NEXMIF: variants seen among roughly 807,000 people sequenced by gnomAD.
NEXMIF encodes neurite extension and migration factor.
In NEXMIF, 8 loss-of-function variants were observed where a neutral mutation model predicts 62.1. The ratio of observed to expected loss-of-function variants is 0.13; its 90% CI spans 0.08 to 0.23. The LOEUF (loss-of-function observed/expected upper bound fraction) is 0.23, where lower values mean the gene tolerates loss of function less well. Ranked by LOEUF, NEXMIF falls within the 10% of genes least tolerant of loss-of-function variation. The pLI is 1.00. For missense variants in NEXMIF, 976 were observed against 1,113.3 expected, an observed-to-expected ratio of 0.88 and a Z score of 1.75; for synonymous variants, 404 against 416.6, an observed-to-expected ratio of 0.97 and a Z score of 0.37.
At chrX:74,823,413 A>G (rs762449432) in intron 1 of NEXMIF, among the ~76,000 whole-genome samples, 1 of 111,673 alleles carries the variant, frequency 9.0e-6, no homozygotes, top group Non-Finnish European at 1.9e-5. Flanking sequence ...AAAAAAGTCA[A>G]TGCCTTAAAA....
In NEXMIF at chrX:74,743,323, G is replaced by T. The variant is rs1240885021; in HGVS notation, c.1234C>A (p.Pro412Thr). The T allele has an allele frequency of 1.7e-6, 2 of 1,211,322 alleles. No individual in the cohort carries two copies. The highest frequency in any genetic ancestry group is 2.2e-5 in the Admixed American group (1 of 45,978). Reference protein sequence around the residue: ...DNGEKPALNKPCSGTEVEQLK... With the variant: ...DNGEKPALNKTCSGTEVEQLK... Reference sequence around the variant, plus strand: ...TGCTCTACTTCAGTCCCACTGCATGGTTTATTTAAGGCAGGCTTTTCTCCA... The same window carrying T: ...TGCTCTACTTCAGTCCCACTGCATGTTTTATTTAAGGCAGGCTTTTCTCCA... The change falls in exon 3 of 4, where the codon CCA becomes ACA. Residue 412 changes from proline to threonine, a missense_variant. This residue lies in a region of NEXMIF where 639 missense variants were observed against 694.5 expected (regional missense o/e 0.92). Transcript: ENST00000055682.
At chrX:74,881,547 T>C (rs1204256685) in intron 1 of NEXMIF, among the ~76,000 whole-genome samples, 2 of 83,706 alleles carry the variant, frequency 2.4e-5, no homozygotes, top group Admixed American at 1.5e-4. Flanking sequence ...AGGTACTTCT[T>C]TTTGTATGTG....
At chrX:74,912,001 C>T (rs1242645694) in intron 1 of NEXMIF, among the ~76,000 whole-genome samples, 1 of 111,884 alleles carries the variant, frequency 8.9e-6, no homozygotes, top group Non-Finnish European at 1.9e-5. Context: ...TAACGAACTG[C>T]CCCAAGGGGA....
At chrX:74,849,420 G>T (rs1035151370) in intron 1 of NEXMIF, among the ~76,000 whole-genome samples, 2 of 112,260 alleles carry the variant, frequency 1.8e-5, no homozygotes, top group African/African-American at 3.2e-5. Flanking sequence ...CCTTCAAAGA[G>T]CCCATCCACC....
intron 1 of NEXMIF, among the ~76,000 whole-genome samples, chrX:74,799,513 A>T (rs2080322565): frequency 8.9e-6 from 1 of 112,574 alleles, no homozygotes; most frequent in Non-Finnish European, 1.9e-5. Flanking sequence ...CACGCTATTT[A>T]CCACACTGGT....
At chrX:74,841,459 T>A (rs1015693422) in intron 1 of NEXMIF, among the ~76,000 whole-genome samples, 1 of 111,914 alleles carries the variant, frequency 8.9e-6, no homozygotes, top group African/African-American at 3.3e-5. Flanking sequence ...TCTATGTGGA[T>A]GCCTTTTATT....
At chrX:74,801,354 T>C (rs1157581207) in intron 1 of NEXMIF, among the ~76,000 whole-genome samples, 2 of 111,743 alleles carry the variant, frequency 1.8e-5, no homozygotes, top group African/African-American at 3.3e-5. Flanking sequence ...TACTGGATCA[T>C]ATGGTAAGAA....
intron 1 of NEXMIF, among the ~76,000 whole-genome samples, chrX:74,864,347 G>A (rs1307555189): frequency 7.1e-5 from 8 of 112,129 alleles, no homozygotes; most frequent in South Asian, 3.8e-4. Context: ...CAGCCCCAAA[G>A]CTTCTTAAGC....
chrX:74,861,579 T>C (rs1298506109), intron 1 of NEXMIF, among the ~76,000 whole-genome samples: 1 of 111,122 alleles, frequency 9.0e-6, no homozygotes, highest in African/African-American at 3.3e-5. Flanking sequence ...AAACAAATGT[T>C]AAGGGCAGTC....
chrX:74,888,221 A>G (rs1315846081), intron 1 of NEXMIF, among the ~76,000 whole-genome samples: 1 of 109,056 alleles, frequency 9.2e-6, no homozygotes, highest in African/African-American at 3.4e-5. Flanking sequence ...GCACACAAAC[A>G]TGGCACATGT....
chrX:74,814,723 G>T (rs774084617), intron 1 of NEXMIF, among the ~76,000 whole-genome samples: 1 of 112,521 alleles, frequency 8.9e-6, no homozygotes, highest in Admixed American at 9.4e-5. Flanking sequence ...AACAATGTGA[G>T]ACTTAATATA....
At chrX:74,905,144 A>G (rs1420078165) in intron 1 of NEXMIF, among the ~76,000 whole-genome samples, 1 of 112,192 alleles carries the variant, frequency 8.9e-6, no homozygotes, top group African/African-American at 3.2e-5. Context: ...TGTAAAAAAG[A>G]GAATAGAATA....
intron 1 of NEXMIF, among the ~76,000 whole-genome samples, chrX:74,785,638 G>A (rs2080258334): frequency 1.8e-5 from 2 of 112,410 alleles, no homozygotes; most frequent in African/African-American, 6.5e-5. Context: ...TATTATGCAT[G>A]CCTTCCCCCA....
At chrX:74,875,119 T>A (rs1434489207) in intron 1 of NEXMIF, among the ~76,000 whole-genome samples, 1 of 111,663 alleles carries the variant, frequency 9.0e-6, no homozygotes, top group Non-Finnish European at 1.9e-5. Context: ...AGTATGATAT[T>A]GGCTGTGAGT....
intron 1 of NEXMIF, among the ~76,000 whole-genome samples, chrX:74,879,833 T>TA (rs1602262982): frequency 1.8e-5 from 2 of 112,253 alleles, no homozygotes; most frequent in Admixed American, 9.5e-5. Context: ...GAACCTCAGT[T>TA]AAAAAAATCA....
At chrX:74,884,319 C>A (rs1227930604) in intron 1 of NEXMIF, among the ~76,000 whole-genome samples, 1 of 111,785 alleles carries the variant, frequency 8.9e-6, no homozygotes, top group Non-Finnish European at 1.9e-5. Flanking sequence ...TGTAAATGGG[C>A]TAAATGCTCC....
intron 1 of NEXMIF, among the ~76,000 whole-genome samples, chrX:74,843,921 G>T (rs1461842982): frequency 8.9e-6 from 1 of 112,008 alleles, no homozygotes; most frequent in African/African-American, 3.2e-5. Flanking sequence ...GCCAGTAGCA[G>T]CCTTTCCTTT....
rs1486791727 is a variant in NEXMIF at position 74,734,609 on chromosome X, G to A, written c.*4796C>T. On this transcript the variant is annotated 3_prime_UTR_variant, in exon 4 of 4. Coordinates refer to ENST00000055682, the MANE Select transcript of NEXMIF (RefSeq NM_001008537.3). ...GACATCCTTTCCATCTTATGTGGAT[G>A]AGTGTTTCTTCAGTGTCTTTAGTAT... 8.9e-6 allele frequency: 1 copy of A among 112,083 alleles called. No individual in the cohort carries two copies. Among genetic ancestry groups the A allele is most frequent in the Non-Finnish European group, 1.9e-5 (1 of 53,131 alleles). 9.2% of individuals were successfully genotyped at this position (112,083 alleles called of 1,213,427 possible).
chrX:74,771,245 GT>G (rs1452318269), intron 1 of NEXMIF, among the ~76,000 whole-genome samples: 1 of 111,318 alleles, frequency 9.0e-6, no homozygotes, highest in Non-Finnish European at 1.9e-5. Flanking sequence ...CGATCTTCAG[GT>G]CTTGAATTTG....
Sources: gnomAD v4.1 joint callset for allele counts (sites outside exome capture counted in the v4.1 genomes callset) on GRCh38, gnomAD v4.1.1 for gene constraint, gnomAD v4.1.1 regional missense constraint, MANE v1.5 for transcripts, NCBI Gene and HGNC (gene_info 2026-07-23, HGNC 2026-07-21) for gene names.